STX17: variants seen among roughly 807,000 people sequenced by gnomAD.
STX17 encodes syntaxin 17, also known as syntaxin-17.
STX17 carries 29 observed loss-of-function variants against 35.9 expected under a neutral mutation model. The ratio of observed to expected loss-of-function variants is 0.81; its 90% confidence interval spans 0.60 to 1.10. STX17 has a LOEUF of 1.10. Among genes scored for constraint, STX17 ranks in the 50% least tolerant of loss-of-function variants. The pLI is 0.00. For synonymous variants in STX17, 92 were observed against 118.3 expected (o/e 0.78, Z 1.44); for missense variants, 312 against 352.3 (o/e 0.89, Z 0.92).
intron 4 of STX17, among the ~76,000 whole-genome samples, chr9:99,955,222 G>T (rs1760924286): frequency 6.6e-6 from 1 of 151,990 alleles, no homozygotes. Flanking sequence ...CAAAAGAAAA[G>T]AATATAATCT....
At chr9:99,952,829 A>G (rs1404756945) in intron 4 of STX17, among the ~76,000 whole-genome samples, 1 of 145,784 alleles carries the variant, frequency 6.9e-6, no homozygotes, top group African/African-American at 2.5e-5. Context: ...GAATTGAACA[A>G]TGAGAACACA....
chr9:99,915,081 T>TTTA, intron 1 of STX17, 97 bp from the exon 2 acceptor site: 1 of 752,228 alleles, frequency 1.3e-6, no homozygotes, highest in African/African-American at 1.8e-5. Flanking sequence ...AAATATTCTA[T>TTTA]TTATTGATTT....
At chr9:99,963,169 C>T (rs1228033949) in intron 6 of STX17, among the ~76,000 whole-genome samples, 1 of 152,116 alleles carries the variant, frequency 6.6e-6, no homozygotes, top group Non-Finnish European at 1.5e-5. Flanking sequence ...AAAGAACTTA[C>T]AAAGCCATTG....
intron 2 of STX17, among the ~76,000 whole-genome samples, chr9:99,916,430 TATTCATTCATTCATTCATTC>T (rs551222708): frequency 2.5e-5 from 2 of 80,652 alleles, no homozygotes; most frequent in African/African-American, 7.0e-5. Flanking sequence ...TTTATTTATT[TATTCATTCATTCATTCATTC>T]ATTCATTCAT....
At chr9:99,951,365 T>TTCAG in intron 4 of STX17, 80 bp downstream of exon 4, 1 of 1,290,922 alleles carries the variant, frequency 7.7e-7, no homozygotes, top group Non-Finnish European at 1.1e-6. Flanking sequence ...AGATACTGAA[T>TTCAG]TATCTATAGG....
At chr9:99,915,403 G>T in intron 2 of STX17, 41 bp downstream of exon 2, 1 of 1,563,274 alleles carries the variant, frequency 6.4e-7, no homozygotes, top group Non-Finnish European at 8.6e-7. Flanking sequence ...TAGTTACATA[G>T]TTTGATTTAT....
intron 4 of STX17, among the ~76,000 whole-genome samples, chr9:99,958,666 C>T (rs541340664): frequency 2.4e-4 from 36 of 152,280 alleles, no homozygotes; most frequent in African/African-American, 6.3e-4. Context: ...TTGCCTCCTC[C>T]GAACTGTTTT....
Position 99,971,085 on chromosome 9 carries a change from A to G in STX17, c.*2412A>G, listed in dbSNP as rs1054995653. Reference sequence around the variant, plus strand: ...AGAAATTGCTAGAAGAGTTTGATCAACTATAAATGATAAAGTGTTTATAAG... The same window carrying G: ...AGAAATTGCTAGAAGAGTTTGATCAGCTATAAATGATAAAGTGTTTATAAG... On this transcript the variant is annotated 3_prime_UTR_variant, in exon 8 of 8. Transcript: ENST00000259400. Among the ~76,000 whole-genome samples, 1 of 152,248 alleles carries G rather than the reference A, an allele frequency of 6.6e-6. No homozygotes were observed. Among genetic ancestry groups the G allele is most frequent in the African/African-American group, 2.4e-5 (1 of 41,466 alleles).
At chr9:99,958,013 A>G (rs1829748195) in intron 4 of STX17, among the ~76,000 whole-genome samples, 1 of 152,216 alleles carries the variant, frequency 6.6e-6, no homozygotes, top group South Asian at 2.1e-4. Flanking sequence ...GTAGTCTCCA[A>G]CTATTTTTAA....
intron 2 of STX17, chr9:99,916,240 T>C (rs1828767259): frequency 1.5e-5 from 5 of 341,978 alleles, no homozygotes; most frequent in South Asian, 1.2e-4. Flanking sequence ...TCCGGTGAAG[T>C]GGCTGTGGCA....
chr9:99,907,705 A>G (rs1323318123), intron 1 of STX17, among the ~76,000 whole-genome samples: 1 of 152,226 alleles, frequency 6.6e-6, no homozygotes, highest in African/African-American at 2.4e-5. Context: ...AAGTTTCAAA[A>G]GTAATACAGA....
intron 4 of STX17, among the ~76,000 whole-genome samples, chr9:99,958,924 TGAG>T (rs993588797): frequency 3.3e-5 from 5 of 152,162 alleles, no homozygotes; most frequent in African/African-American, 9.7e-5. Flanking sequence ...GCCAGAAGAT[TGAG>T]GAGAAGAGTA....
intron 3 of STX17, among the ~76,000 whole-genome samples, chr9:99,943,507 C>T (rs1829410801): frequency 6.6e-6 from 1 of 152,168 alleles, no homozygotes; most frequent in East Asian, 1.9e-4. Context: ...CGGGGTTTCA[C>T]CATGTTGGCC....
chr9:99,936,116 A>G (rs781051815), intron 3 of STX17, among the ~76,000 whole-genome samples: 1 of 152,156 alleles, frequency 6.6e-6, no homozygotes, highest in African/African-American at 2.4e-5. Flanking sequence ...ATAGTATTCT[A>G]TTGTATGGCT....
chr9:99,916,754 C>T (rs1828783479), intron 2 of STX17, among the ~76,000 whole-genome samples: 1 of 152,094 alleles, frequency 6.6e-6, no homozygotes, highest in African/African-American at 2.4e-5. Context: ...AATACTGTGA[C>T]TTTTAAGGAT....
chr9:99,942,914 C>T (rs922908184), intron 3 of STX17, among the ~76,000 whole-genome samples: 5 of 152,078 alleles, frequency 3.3e-5, no homozygotes, highest in African/African-American at 9.7e-5. Flanking sequence ...GCCATACTCT[C>T]TTAATTACTA....
intron 4 of STX17, 66 bp from the exon 5 acceptor site, chr9:99,959,851 A>G (rs944066124): frequency 3.1e-5 from 37 of 1,208,194 alleles, no homozygotes; most frequent in Middle Eastern, 1.9e-4. Flanking sequence ...TATGAAATCA[A>G]TTTATGCTGT....
At chr9:99,936,239 G>A (rs951698403) in intron 3 of STX17, among the ~76,000 whole-genome samples, 1 of 152,168 alleles carries the variant, frequency 6.6e-6, no homozygotes, top group African/African-American at 2.4e-5. Flanking sequence ...GTTAGGAGTG[G>A]AATGGCTGGA....
intron 3 of STX17, chr9:99,938,115 G>A (rs1423247313): frequency 1.3e-5 from 2 of 152,180 alleles, no homozygotes; most frequent in East Asian, 3.9e-4. Context: ...TTTTTCAGGT[G>A]GTTTCCTCGC....
Sources: gnomAD v4.1 joint callset for allele counts (sites outside exome capture counted in the v4.1 genomes callset) on GRCh38, gnomAD v4.1.1 for gene constraint, MANE v1.5 for transcripts, NCBI Gene and HGNC (gene_info 2026-07-23, HGNC 2026-07-21) for gene names.